DTNBP1: variants seen among roughly 807,000 people sequenced by gnomAD.
DTNBP1 encodes dysbindin.
Under a neutral mutation model 42.8 loss-of-function variants are expected in DTNBP1, and 35 were observed. The ratio of observed to expected loss-of-function variants is 0.82; its 90% CI spans 0.63 to 1.09. The LOEUF is 1.09. Among genes scored for constraint, DTNBP1 ranks in the 50% least tolerant of loss-of-function variants. The pLI is 0.00. For synonymous variants in DTNBP1, 171 were observed against 162.2 expected (o/e 1.05, Z -0.41); for missense variants, 457 against 424.2 (o/e 1.08, Z -0.68).
Position 15,523,017 on chromosome 6 carries a change from G to C in DTNBP1, c.1014C>G (p.Asp338Glu), listed in dbSNP as rs1195156935. The change falls in exon 10 of 10, where the codon GAC (aspartate) becomes GAG (glutamate). Residue 338 changes from aspartate to glutamate, a missense_variant. By Grantham distance (45) the Asp-to-Glu change is conservative. Coordinates refer to ENST00000344537, the MANE Select transcript of DTNBP1 (RefSeq NM_032122.5). ...CACCACCATCCGGAGTGGCCTCTCTGTCAGTGTGTGATGTGGCCAGGGCAG... is the reference window on the plus strand; with the variant it reads ...CACCACCATCCGGAGTGGCCTCTCTCTCAGTGTGTGATGTGGCCAGGGCAG... Reference protein sequence around the residue: ...VDTALATSHTDREATPDGGED... With the variant: ...VDTALATSHTEREATPDGGED... The C allele has an allele frequency of 5.0e-6, 8 of 1,614,100 alleles. No individual in the cohort carries two copies. Among genetic ancestry groups the C allele is most frequent in the Admixed American group, 1.7e-5 (1 of 60,014 alleles).
Position 15,652,144 on chromosome 6 carries a change from T to C in DTNBP1, c.57-4A>G, listed in dbSNP as rs1761036275. ...CTTGTCACTTAAAGTCTTCAGCCTA[T>C]AATTCAATATAAAATATAATATTTT... On this transcript the variant is annotated splice_polypyrimidine_tract_variant and splice_region_variant and intron_variant, in intron 1 of 9. Coordinates refer to ENST00000344537, the MANE Select transcript of DTNBP1 (RefSeq NM_032122.5). 3.1e-6 allele frequency: 5 copies of C among 1,587,530 alleles called. No homozygotes were observed. The highest frequency in any genetic ancestry group is 4.3e-6 in the Non-Finnish European group (5 of 1,161,578).
chr6:15,552,875 T>C (rs139027655), intron 7 of DTNBP1, among the ~76,000 whole-genome samples: 1 of 152,310 alleles, frequency 6.6e-6, no homozygotes, highest in African/African-American at 2.4e-5. Context: ...TCTTCTATGT[T>C]CTAAGCACAA....
intron 3 of DTNBP1, among the ~76,000 whole-genome samples, chr6:15,642,587 G>GC (rs1317933494): frequency 3.3e-5 from 5 of 152,154 alleles, no homozygotes; most frequent in African/African-American, 9.7e-5. Flanking sequence ...CACAAGATGA[G>GC]CCCCCTGGGA....
At chr6:15,572,123 C>T (rs1775364140) in intron 7 of DTNBP1, among the ~76,000 whole-genome samples, 3 of 152,254 alleles carry the variant, frequency 2.0e-5, no homozygotes, top group South Asian at 2.1e-4. Flanking sequence ...AAGACCTTAA[C>T]ATTTATTCCA....
intron 7 of DTNBP1, among the ~76,000 whole-genome samples, chr6:15,561,466 G>A (rs1581324773): frequency 6.6e-6 from 1 of 152,166 alleles, no homozygotes; most frequent in East Asian, 1.9e-4. Context: ...CAGAACTCAA[G>A]AGTTATGAAT....
intron 7 of DTNBP1, among the ~76,000 whole-genome samples, chr6:15,576,065 A>G (rs1775550275): frequency 6.6e-6 from 1 of 152,156 alleles, no homozygotes; most frequent in African/African-American, 2.4e-5. Context: ...ATTATAGGCG[A>G]GACCATTTAG....
chr6:15,614,896 C>T (rs1758629164), intron 6 of DTNBP1, among the ~76,000 whole-genome samples: 1 of 152,192 alleles, frequency 6.6e-6, no homozygotes, highest in Non-Finnish European at 1.5e-5. Context: ...ACAGCCTGAG[C>T]TCATGCTCCT....
chr6:15,523,111 G>C lies in DTNBP1; in HGVS notation c.920C>G (p.Thr307Ser). Residue 307 changes from threonine to serine, a missense_variant, in exon 10 of 10, where the codon ACC becomes AGC. By Grantham distance (58) the Thr-to-Ser change is moderately conservative. Coordinates refer to ENST00000344537, the MANE Select transcript of DTNBP1 (RefSeq NM_032122.5). ...SSSSTCTDSA[T>S]RDISEGGESP... ...CTCCCCACCCTCACTGATGTCCCGG[G>C]TGGCCGAGTCGGTGCAGGTGGAGGA... The C allele has an allele frequency of 6.2e-7, 1 of 1,614,272 alleles. No individual in the cohort carries two copies.
At chr6:15,598,456 T>C (rs895559182) in intron 6 of DTNBP1, among the ~76,000 whole-genome samples, 1 of 152,176 alleles carries the variant, frequency 6.6e-6, no homozygotes, top group South Asian at 2.1e-4. Flanking sequence ...TAGAAATGTT[T>C]AGGGGAAATT....
chr6:15,583,220 C>T (rs771842864), intron 7 of DTNBP1, among the ~76,000 whole-genome samples: 15 of 152,114 alleles, frequency 9.9e-5, no homozygotes, highest in Non-Finnish European at 1.8e-4. Flanking sequence ...TGGTCTCAAG[C>T]GATCCTCCTG....
rs1430128653 is a variant in DTNBP1, at chr6:15,587,608, A to G, written c.511+5451T>C. Reference sequence around the variant, plus strand: ...CTTACATTATGGTCACTGGTTTCCTACAAAGGTGCCAAAGCAATTCAATGG... The same window carrying G: ...CTTACATTATGGTCACTGGTTTCCTGCAAAGGTGCCAAAGCAATTCAATGG... On this transcript the variant is annotated intron_variant, in intron 7 of 9. Coordinates refer to ENST00000344537, the MANE Select transcript of DTNBP1 (RefSeq NM_032122.5). The surrounding 1 kb of genome is among the most constrained non-coding windows in gnomAD (Gnocchi z 4.1). 6.6e-6 allele frequency among the ~76,000 whole-genome samples: 1 copy of G among 152,194 alleles called. No homozygotes were observed. The highest frequency in any genetic ancestry group is 1.5e-5 in the Non-Finnish European group (1 of 68,032).
rs534512945 is a variant in DTNBP1 at position 15,522,997 on chromosome 6, C to T, written c.1034G>A (p.Gly345Asp). 4 of 1,614,252 alleles carry T rather than the reference C, an allele frequency of 2.5e-6. No individual in the cohort carries two copies. The highest frequency in any genetic ancestry group is 2.7e-5 in the African/African-American group (2 of 75,060). ...SHTDREATPDGGEDSDS is the reference protein window; with the variant it reads ...SHTDREATPDDGEDSDS Reference sequence around the variant, plus strand: ...AATTTAAGAGTCGCTGTCCTCACCACCATCCGGAGTGGCCTCTCTGTCAGT... The same window carrying T: ...AATTTAAGAGTCGCTGTCCTCACCATCATCCGGAGTGGCCTCTCTGTCAGT... The change falls in exon 10 of 10, where the codon GGT (glycine) becomes GAT (aspartate). Residue 345 changes from glycine (G) to aspartate (D), a missense_variant. Transcript: ENST00000344537.
intron 8 of DTNBP1, among the ~76,000 whole-genome samples, chr6:15,532,170 C>T (rs1682164104): frequency 6.6e-6 from 1 of 152,190 alleles, no homozygotes; most frequent in African/African-American, 2.4e-5. Flanking sequence ...ACGGGTCTCC[C>T]CGCTGCCGGG....
intron 8 of DTNBP1, among the ~76,000 whole-genome samples, chr6:15,530,983 G>C (rs1009128934): frequency 6.6e-6 from 1 of 152,130 alleles, no homozygotes. Flanking sequence ...TGGGGCCTTT[G>C]GGAGGTAATT....
At chr6:15,531,361 T>C (rs1348927335) in intron 8 of DTNBP1, among the ~76,000 whole-genome samples, 3 of 152,052 alleles carry the variant, frequency 2.0e-5, no homozygotes, top group Non-Finnish European at 2.9e-5. Flanking sequence ...TCTCTACAAT[T>C]TGCAGCAAAC....
intron 6 of DTNBP1, among the ~76,000 whole-genome samples, 171 bp from the exon 7 acceptor site, chr6:15,593,252 A>C (rs551358963): frequency 6.6e-6 from 1 of 152,360 alleles, no homozygotes; most frequent in African/African-American, 2.4e-5. Flanking sequence ...ATGAGCCTAA[A>C]CCAACTATTT....
At chr6:15,635,277 C>A (rs1759942557) in intron 4 of DTNBP1, among the ~76,000 whole-genome samples, 1 of 152,110 alleles carries the variant, frequency 6.6e-6, no homozygotes, top group Non-Finnish European at 1.5e-5. Flanking sequence ...CACCACCATG[C>A]CCAGCTAATT....
At chr6:15,651,942 AT>A (rs1319009301) in intron 2 of DTNBP1, 144 bp downstream of exon 2, 3 of 714,296 alleles carry the variant, frequency 4.2e-6, no homozygotes, top group Non-Finnish European at 6.9e-6. Flanking sequence ...CTGTTACAAA[AT>A]TTAGAAAGAA....
intron 7 of DTNBP1, among the ~76,000 whole-genome samples, chr6:15,576,701 G>A (rs978955310): frequency 6.7e-6 from 1 of 148,906 alleles, no homozygotes; most frequent in African/African-American, 2.5e-5. Context: ...CCCAGGAGAT[G>A]GAGGTTGCAG....
Sources: allele counts gnomAD v4.1 joint callset (sites outside exome capture counted in the v4.1 genomes callset), GRCh38; gene constraint gnomAD v4.1.1; non-coding constraint Gnocchi (gnomAD v3.1); transcripts MANE v1.5; gene names NCBI Gene and HGNC (gene_info 2026-07-23, HGNC 2026-07-21).